CFAP299: variants seen among roughly 807,000 people sequenced by gnomAD.
The protein encoded by CFAP299 is cilia- and flagella-associated protein 299.
In CFAP299, 21 loss-of-function variants were observed where a neutral mutation model predicts 27.0. The ratio of observed to expected loss-of-function variants is 0.78; its 90% CI spans 0.55 to 1.12. The LOEUF (loss-of-function observed/expected upper bound fraction) is 1.12. Ranked by LOEUF, CFAP299 falls within the 50% of genes most tolerant of loss-of-function variation. CFAP299 has a pLI of 0.00. For synonymous variants in CFAP299, 104 were observed against 98.1 expected (o/e 1.06, Z -0.36); for missense variants, 310 against 276.6 (o/e 1.12, Z -0.86).
intron 2 of CFAP299, among the ~76,000 whole-genome samples, chr4:80,551,460 G>C (rs947883362): frequency 7.9e-5 from 12 of 152,074 alleles, no homozygotes; most frequent in African/African-American, 2.9e-4. Context: ...AAATGCATGA[G>C]AGAAAGATAT....
At chr4:80,568,734 T>C (rs1265145590) in intron 2 of CFAP299, among the ~76,000 whole-genome samples, 1 of 152,062 alleles carries the variant, frequency 6.6e-6, no homozygotes, top group Non-Finnish European at 1.5e-5. Context: ...AGGAGATGAT[T>C]TATGGAGCAC....
chr4:80,387,866 G>A, intron 2 of CFAP299: 1 of 1,205,682 alleles, frequency 8.3e-7, no homozygotes, highest in East Asian at 2.3e-5. Context: ...GGGGTCTTCA[G>A]CATTGGTGGA....
At chr4:80,789,644 G>T (rs549918141) in intron 3 of CFAP299, among the ~76,000 whole-genome samples, 2 of 151,904 alleles carry the variant, frequency 1.3e-5, no homozygotes, top group Admixed American at 1.3e-4. Context: ...TTTATTCTTC[G>T]CATGGCTTAT....
chr4:80,347,514 A>G (rs1424571660), intron 1 of CFAP299, among the ~76,000 whole-genome samples: 6 of 152,134 alleles, frequency 3.9e-5, no homozygotes. Flanking sequence ...CGAATCATGT[A>G]TGAACTCTCA....
intron 3 of CFAP299, among the ~76,000 whole-genome samples, chr4:80,633,422 C>A (rs10033787): frequency 0.62 from 93,645 of 151,958 alleles, 32,173 homozygotes; most frequent in Non-Finnish European, 0.76. Context: ...CCACTGCAAT[C>A]CAGCCTGGGT....
rs142823277 is a variant in CFAP299 at position 80,498,857 on chromosome 4, A to G, written c.243-84236A>G. On this transcript the variant is annotated intron_variant, in intron 2 of 5. Coordinates refer to ENST00000358105, the MANE Select transcript of CFAP299 (RefSeq NM_152770.3). Reference sequence around the variant, plus strand: ...ATGGAATCAATCTAAATCATCATCAATAGTGGACAGAATAAGGCAAATGTG... The same window carrying G: ...ATGGAATCAATCTAAATCATCATCAGTAGTGGACAGAATAAGGCAAATGTG... Among the ~76,000 whole-genome samples the G allele has an allele frequency of 1.6e-4, 24 of 152,324 alleles. No homozygotes were observed. In the East Asian group the frequency reaches 3.5e-3, roughly 22 times the overall value.
intron 2 of CFAP299, among the ~76,000 whole-genome samples, chr4:80,432,315 C>G (rs1195869777): frequency 1.3e-5 from 2 of 151,706 alleles, no homozygotes; most frequent in Non-Finnish European, 2.9e-5. Context: ...CCATGGCTGG[C>G]TAATTTTTGT....
At chr4:80,696,502 TA>T (rs1226395441) in intron 3 of CFAP299, among the ~76,000 whole-genome samples, 5 of 151,590 alleles carry the variant, frequency 3.3e-5, no homozygotes, top group African/African-American at 9.7e-5. Flanking sequence ...GAAAAACAAA[TA>T]AAAATAATAA....
chr4:80,808,509 A>C (rs952998045), intron 3 of CFAP299, among the ~76,000 whole-genome samples: 1 of 152,142 alleles, frequency 6.6e-6, no homozygotes, highest in Non-Finnish European at 1.5e-5. Context: ...GCCCTAAAAT[A>C]CATTCTTAAT....
chr4:80,779,917 C>A (rs1032727592), intron 3 of CFAP299, among the ~76,000 whole-genome samples: 2 of 152,070 alleles, frequency 1.3e-5, no homozygotes, highest in Non-Finnish European at 2.9e-5. Context: ...TCTCCGGAAT[C>A]TCATTGACTC....
chr4:80,674,392 C>T (rs1342589018), intron 3 of CFAP299, among the ~76,000 whole-genome samples: 1 of 152,214 alleles, frequency 6.6e-6, no homozygotes, highest in Non-Finnish European at 1.5e-5. Context: ...AAGTGATCTG[C>T]TATTAGTCTG....
chr4:80,429,162 A>G (rs1208224782), intron 2 of CFAP299, among the ~76,000 whole-genome samples: 1 of 152,216 alleles, frequency 6.6e-6, no homozygotes, highest in Non-Finnish European at 1.5e-5. Flanking sequence ...AACGAATATT[A>G]TAAAATCACT....
chr4:80,483,370 C>T (rs1471322387), intron 2 of CFAP299, among the ~76,000 whole-genome samples: 1 of 151,296 alleles, frequency 6.6e-6, no homozygotes, highest in Non-Finnish European at 1.5e-5. Flanking sequence ...CTAATAACAC[C>T]AGATGTAATT....
At chr4:80,816,814 T>TA (rs1729443094) in intron 3 of CFAP299, among the ~76,000 whole-genome samples, 1 of 151,972 alleles carries the variant, frequency 6.6e-6, no homozygotes, top group Admixed American at 6.6e-5. Flanking sequence ...ACACATAAAA[T>TA]ACGCTGCCAC....
At chr4:80,846,359 C>G (rs59372190) in intron 3 of CFAP299, among the ~76,000 whole-genome samples, 5,409 of 152,150 alleles carry the variant, frequency 0.036, 200 homozygotes, top group African/African-American at 0.099. Flanking sequence ...CTGTGAACTC[C>G]ATGAGGTCAG....
At chr4:80,531,182 A>G (rs1733443934) in intron 2 of CFAP299, among the ~76,000 whole-genome samples, 1 of 152,162 alleles carries the variant, frequency 6.6e-6, no homozygotes, top group Non-Finnish European at 1.5e-5. Flanking sequence ...ATAGCAAGAA[A>G]TGGCCATATT....
intron 4 of CFAP299, among the ~76,000 whole-genome samples, chr4:80,908,486 A>T (rs1735297425): frequency 6.6e-6 from 1 of 152,174 alleles, no homozygotes; most frequent in African/African-American, 2.4e-5. Context: ...GTTTGGAAAA[A>T]ATTAGTGGAG....
At chr4:80,526,579 C>T (rs896434692) in intron 2 of CFAP299, among the ~76,000 whole-genome samples, 2 of 151,924 alleles carry the variant, frequency 1.3e-5, no homozygotes, top group Non-Finnish European at 2.9e-5. Flanking sequence ...TTTTTTATAT[C>T]TGTACAACCC....
chr4:80,490,498 G>T (rs1170878339), intron 2 of CFAP299, among the ~76,000 whole-genome samples: 1 of 152,218 alleles, frequency 6.6e-6, no homozygotes, highest in South Asian at 2.1e-4. Flanking sequence ...AAGCTCCTCT[G>T]TCTTGTTCAC....
Sources: allele counts gnomAD v4.1 joint callset (sites outside exome capture counted in the v4.1 genomes callset), GRCh38; gene constraint gnomAD v4.1.1; transcripts MANE v1.5; gene names NCBI Gene and HGNC (gene_info 2026-07-23, HGNC 2026-07-21).